Variants in FRAS1 observed in about 807,000 individuals in gnomAD.
The protein encoded by FRAS1 is Fraser extracellular matrix complex subunit 1.
In FRAS1, 290 loss-of-function variants were observed where a neutral mutation model predicts 435.2. The observed-to-expected ratio is 0.67, with a 90% CI of 0.61 to 0.73. The LOEUF is 0.73. FRAS1 is among the 30% of genes least tolerant of loss of function. The probability of loss-of-function intolerance (pLI) is 0.00; values close to 1 mark genes in which losing one functional copy is unlikely to be tolerated. For synonymous variants in FRAS1, 1,800 were observed against 1,851.0 expected (o/e 0.97, Z 0.71); for missense variants, 4,860 against 5,001.5 (o/e 0.97, Z 0.85).
chr4:78,254,676 A>C (rs566709148), intron 5 of FRAS1, among the ~76,000 whole-genome samples: 3 of 152,230 alleles, frequency 2.0e-5, no homozygotes, highest in Non-Finnish European at 4.4e-5. Flanking sequence ...TTGGAGGATC[A>C]ACTGGGGCCA....
intron 64 of FRAS1, 160 bp downstream of exon 64, chr4:78,511,666 C>G (rs1002869812): frequency 1.4e-6 from 1 of 690,798 alleles, no homozygotes; most frequent in Non-Finnish European, 2.6e-6. Flanking sequence ...CCCTCAAGCT[C>G]GGGCCCCCTG....
Position 78,425,947 on chromosome 4 carries a change from C to T in FRAS1, c.4711+1527C>T, listed in dbSNP as rs575351455. Among the ~76,000 whole-genome samples the T allele has an allele frequency of 4.6e-5, 7 of 152,128 alleles. No individual in the cohort carries two copies. The South Asian group carries it at 1.0e-3, about 23-fold the overall frequency. ...AGCCCAGGAGTTCAAGACCAGCCCA[C>T]GCACATAGTAATATTCCTTGTAGTC... On this transcript the variant is annotated intron_variant, in intron 35 of 73. Coordinates refer to ENST00000512123, the MANE Select transcript of FRAS1 (RefSeq NM_025074.7).
chr4:78,487,813 T>A (rs1720217901), intron 58 of FRAS1, among the ~76,000 whole-genome samples: 1 of 152,196 alleles, frequency 6.6e-6, no homozygotes, highest in Admixed American at 6.5e-5. Context: ...CCAATTTATA[T>A]ATGAAAAATA....
intron 18 of FRAS1, among the ~76,000 whole-genome samples, chr4:78,324,732 CT>C (rs1205235241): frequency 1.3e-4 from 2 of 15,106 alleles, no homozygotes; most frequent in African/African-American, 4.7e-4. Context: ...TTTTTTTTTT[CT>C]GCATGTCACA....
intron 2 of FRAS1, among the ~76,000 whole-genome samples, chr4:78,212,601 C>A (rs1159249206): frequency 6.6e-6 from 1 of 152,198 alleles, no homozygotes; most frequent in Non-Finnish European, 1.5e-5. Flanking sequence ...CATAAATGCA[C>A]TTATTTATTC....
Position 78,275,932 on chromosome 4 carries a change from C to G in FRAS1, c.982-2723C>G, listed in dbSNP as rs576054548. Among the ~76,000 whole-genome samples, 8 of 152,294 alleles carry G rather than the reference C, an allele frequency of 5.3e-5. No individual in the cohort carries two copies. The South Asian group carries it at 1.7e-3, about 32-fold the overall frequency. The stretch of plus-strand genomic sequence containing the variant: ...TGTTTTCCAAGTTGGTTCCATTCTC[C>G]CCGTCACTTTTAGGTACACCAATCA... On this transcript the variant is annotated intron_variant, in intron 9 of 73. Coordinates refer to ENST00000512123, the MANE Select transcript of FRAS1 (RefSeq NM_025074.7).
At chr4:78,144,211 G>GA (rs1442303275) in intron 2 of FRAS1, among the ~76,000 whole-genome samples, 3 of 151,686 alleles carry the variant, frequency 2.0e-5, no homozygotes, top group African/African-American at 7.3e-5. Flanking sequence ...GCAACTCAGA[G>GA]AAAAATGAAG....
chr4:78,425,151 A>G (rs115052874), intron 35 of FRAS1, among the ~76,000 whole-genome samples: 2 of 151,748 alleles, frequency 1.3e-5, no homozygotes, highest in Non-Finnish European at 2.9e-5. Flanking sequence ...TCCAAGAATG[A>G]TTATTGCTAC....
At chr4:78,298,024 C>CTATA (rs1188075214) in intron 14 of FRAS1, among the ~76,000 whole-genome samples, 8 of 109,558 alleles carry the variant, frequency 7.3e-5, no homozygotes, top group Non-Finnish European at 1.3e-4. Context: ...CTCTCTCTCT[C>CTATA]TCTCTCTATA....
intron 2 of FRAS1, among the ~76,000 whole-genome samples, chr4:78,222,113 A>G (rs1041210283): frequency 1.3e-5 from 2 of 152,044 alleles, no homozygotes; most frequent in African/African-American, 4.8e-5. Flanking sequence ...TGGACTATGT[A>G]TTAATGGGCT....
At chr4:78,263,873 T>C (rs1383097892) in intron 6 of FRAS1, among the ~76,000 whole-genome samples, 1 of 152,192 alleles carries the variant, frequency 6.6e-6, no homozygotes, top group African/African-American at 2.4e-5. Context: ...ATACAACTGA[T>C]CATATATAAT....
Position 78,511,347 on chromosome 4 carries a change from A to G in FRAS1, c.9854A>G (p.His3285Arg), listed in dbSNP as rs1721031056. ...CVAKAVDKVG[H>R]VGTPLRSNIV... ...GCCAAGGCTGTGGACAAGGTGGGCC[A>G]TGTGGGGACCCCCTTAAGGAGCAAC... Residue 3285 changes from histidine (H) to arginine (R), a missense_variant, in exon 64 of 74, where the codon CAT becomes CGT. Transcript: ENST00000512123. 6.2e-7 allele frequency: 1 copy of G among 1,613,672 alleles called. No homozygotes were observed. The highest frequency in any genetic ancestry group is 1.1e-5 in the South Asian group (1 of 91,082).
chr4:78,427,501 C>A lies in FRAS1; in HGVS notation c.4712-1594C>A, dbSNP rs146599883. 7.3e-4 allele frequency among the ~76,000 whole-genome samples: 111 copies of A among 152,304 alleles called. 1 individual carries two copies. Among genetic ancestry groups the A allele is most frequent in the African/African-American group, 2.5e-3 (105 of 41,560 alleles). On this transcript the variant is annotated intron_variant, in intron 35 of 73. Transcript: ENST00000512123. The stretch of plus-strand genomic sequence containing the variant: ...ATAAAATTGCATTTTGCAACTAGTT[C>A]TTATCTTAGATTACAGAGACATCAG...
intron 35 of FRAS1, among the ~76,000 whole-genome samples, chr4:78,428,139 G>A (rs949595544): frequency 6.6e-6 from 1 of 152,144 alleles, no homozygotes; most frequent in Non-Finnish European, 1.5e-5. Flanking sequence ...TTCTGCTCTC[G>A]TATTTTCCTC....
intron 2 of FRAS1, among the ~76,000 whole-genome samples, chr4:78,221,335 G>A (rs913076928): frequency 2.0e-5 from 3 of 151,842 alleles, no homozygotes; most frequent in Non-Finnish European, 4.4e-5. Context: ...AATACTGTAC[G>A]TACACAAAGC....
chr4:78,477,683 C>T lies in FRAS1; in HGVS notation c.7852-132C>T, dbSNP rs1225431547. The T allele has an allele frequency of 2.6e-6, 3 of 1,134,202 alleles. No individual in the cohort carries two copies. In the East Asian group the frequency reaches 7.7e-5, roughly 29 times the overall value. The allele number at this position is 1,134,202 out of a possible 1,614,324, so 70.3% of individuals were successfully genotyped here. ...CAGGTGATGCAGCAGGGAACCAGGG[C>T]TGGGAGAACCAGCTATTTCAGTCAG... On this transcript the variant is annotated intron_variant, in intron 54 of 73. Transcript: ENST00000512123.
At chr4:78,386,433 GACTA>G (rs1457135481) in intron 28 of FRAS1, among the ~76,000 whole-genome samples, 2 of 152,098 alleles carry the variant, frequency 1.3e-5, no homozygotes, top group African/African-American at 2.4e-5. Flanking sequence ...GAATTCTAAA[GACTA>G]ACTATCATCT....
At chr4:78,226,001 T>C (rs1200503233) in intron 2 of FRAS1, among the ~76,000 whole-genome samples, 1 of 152,214 alleles carries the variant, frequency 6.6e-6, no homozygotes, top group East Asian at 1.9e-4. Context: ...TCCATTATGT[T>C]TTAAATATTT....
rs114108086 is a variant in FRAS1, at chr4:78,446,879, C to A, written c.6009C>A (p.His2003Gln). The change falls in exon 43 of 74, where the codon CAC (histidine) becomes CAA (glutamine). Residue 2003 changes from histidine (H) to glutamine (Q), a missense_variant and splice_region_variant. Physicochemically the swap from His to Gln is conservative, Grantham distance 24. Coordinates refer to ENST00000512123, the MANE Select transcript of FRAS1 (RefSeq NM_025074.7). Reference sequence around the variant, plus strand: ...TTGTATTGACAAAAAAGCCTGACCACGGTAGGGCACGAACTGCTATGAAAA... The same window carrying A: ...TTGTATTGACAAAAAAGCCTGACCAAGGTAGGGCACGAACTGCTATGAAAA... ...LIFVLTKKPD[H>Q]GHVLWRQTAS... 3 of 1,604,096 alleles carry A rather than the reference C, an allele frequency of 1.9e-6. No individual in the cohort carries two copies. In the African/African-American group the frequency reaches 4.0e-5, roughly 21 times the overall value.
Sources: allele counts gnomAD v4.1 joint callset (sites outside exome capture counted in the v4.1 genomes callset), GRCh38; gene constraint gnomAD v4.1.1; transcripts MANE v1.5; gene names NCBI Gene and HGNC (gene_info 2026-07-23, HGNC 2026-07-21).